TRAPPC2: variants seen among roughly 807,000 people sequenced by gnomAD.
TRAPPC2 encodes sedlin.
Under a neutral mutation model 10.0 loss-of-function variants are expected in TRAPPC2, and 4 were observed. That is an observed-to-expected ratio of 0.40 (90% CI 0.20 to 0.92). The LOEUF (loss-of-function observed/expected upper bound fraction) is 0.92. Ranked by LOEUF, TRAPPC2 falls within the 40% of genes least tolerant of loss-of-function variation. The probability of loss-of-function intolerance (pLI) is 0.35; values close to 1 mark genes in which losing one functional copy is unlikely to be tolerated. For synonymous variants in TRAPPC2, 36 were observed against 37.3 expected, an observed-to-expected ratio of 0.97 and a Z score of 0.12; for missense variants, 52 against 108.7, an observed-to-expected ratio of 0.48 and a Z score of 2.32.
chrX:13,718,450 G>A (rs143637001), intron 3 of TRAPPC2, among the ~76,000 whole-genome samples: 1 of 112,625 alleles, frequency 8.9e-6, no homozygotes, highest in Non-Finnish European at 1.9e-5. Context: ...GGTAGCAGGA[G>A]AAAGAACTAA....
rs775926777 is a variant in TRAPPC2, at chrX:13,731,292, G to T, written c.-20+2752C>A. On this transcript the variant is annotated intron_variant, in intron 2 of 5. Coordinates refer to ENST00000380579, the MANE Select transcript of TRAPPC2 (RefSeq NM_001011658.4). ...GTCTATAACAGGGTACATTCAGAGC[G>T]ACTAGAACACCAACAGAAACGTGTA... Among the ~76,000 whole-genome samples, 10 of 111,899 alleles carry T rather than the reference G, an allele frequency of 8.9e-5. No homozygotes were observed. The East Asian group carries it at 1.7e-3, about 19-fold the overall frequency.
chrX:13,719,194 T>G (rs2046358190), intron 3 of TRAPPC2, among the ~76,000 whole-genome samples: 1 of 110,294 alleles, frequency 9.1e-6, no homozygotes, highest in Non-Finnish European at 1.9e-5. Flanking sequence ...TGGTTTTATT[T>G]TAAGCATTTG....
rs1044739685 is a variant in TRAPPC2, at chrX:13,734,159, T to C, written c.-135A>G. 4.0e-6 allele frequency: 2 copies of C among 503,832 alleles called. No homozygotes were observed. The highest frequency in any genetic ancestry group is 4.7e-5 in the African/African-American group (2 of 42,908). The allele number at this position is 503,832 out of a possible 1,213,427, so 41.5% of individuals were successfully genotyped here. ...TGGCAATATCTGGAGACATCTTTGG[T>C]TGTCACACTTGGGGGAGAAGGTGAT... On this transcript the variant is annotated 5_prime_UTR_variant, in exon 2 of 6. Coordinates refer to ENST00000380579, the MANE Select transcript of TRAPPC2 (RefSeq NM_001011658.4).
In TRAPPC2 at chrX:13,733,180, T is replaced by C. The variant is rs755565729; in HGVS notation, c.-20+864A>G. ...TAAACAGTGGACAAGTGATTCTACT[T>C]AACAACATTTACAACATATCAACAT... is the stretch of plus-strand genomic sequence containing the variant. On this transcript the variant is annotated intron_variant, in intron 2 of 5. Transcript: ENST00000380579. 1.2e-3 allele frequency among the ~76,000 whole-genome samples: 132 copies of C among 110,914 alleles called. 1 individual carries two copies. The highest frequency in any genetic ancestry group is 4.1e-3 in the African/African-American group (126 of 30,450).
At chrX:13,730,080 T>C (rs1360138305) in intron 2 of TRAPPC2, among the ~76,000 whole-genome samples, 1 of 111,365 alleles carries the variant, frequency 9.0e-6, no homozygotes, top group Non-Finnish European at 1.9e-5. Flanking sequence ...TGGGATCTAA[T>C]TAAACTAAAG....
intron 2 of TRAPPC2, among the ~76,000 whole-genome samples, chrX:13,728,178 G>A (rs1359024208): frequency 8.9e-6 from 1 of 112,001 alleles, no homozygotes; most frequent in Non-Finnish European, 1.9e-5. Flanking sequence ...GGTACAAAGA[G>A]GAGCTGGTAC....
intron 2 of TRAPPC2, among the ~76,000 whole-genome samples, chrX:13,733,254 T>C (rs970180002): frequency 9.0e-6 from 1 of 111,580 alleles, no homozygotes; most frequent in Admixed American, 9.5e-5. Context: ...CTTTGATGCA[T>C]CTCAGCTACA....
intron 2 of TRAPPC2, among the ~76,000 whole-genome samples, chrX:13,727,665 C>T (rs1367305830): frequency 8.9e-6 from 1 of 112,154 alleles, no homozygotes; most frequent in African/African-American, 3.2e-5. Context: ...TTAAAATCTA[C>T]ACCCTAACAT....
Position 13,719,976 on chromosome X carries a change from A to G in TRAPPC2, c.-13T>C. ...AGCTCCCAGACATGGTCTTCAATAT[A>G]TGGCTCCTAATTAAGTGAAAAATAG... On this transcript the variant is annotated 5_prime_UTR_variant, in exon 3 of 6. Coordinates refer to ENST00000380579, the MANE Select transcript of TRAPPC2 (RefSeq NM_001011658.4). 1 of 1,119,759 alleles carries G rather than the reference A, an allele frequency of 8.9e-7. No homozygotes were observed. The highest frequency in any genetic ancestry group is 1.2e-6 in the Non-Finnish European group (1 of 840,675). The allele number at this position is 1,119,759 out of a possible 1,213,427, so 92.3% of individuals were successfully genotyped here. A position where few individuals can be genotyped will look rare whatever the true frequency, so the allele number is the denominator to read the frequency against.
intron 2 of TRAPPC2, among the ~76,000 whole-genome samples, chrX:13,733,279 T>TA (rs1199330101): frequency 8.9e-6 from 1 of 111,855 alleles, no homozygotes; most frequent in Non-Finnish European, 1.9e-5. Context: ...CATGTACTAG[T>TA]ATTCAAGATT....
At chrX:13,715,106 G>A (rs186963303) in intron 5 of TRAPPC2, among the ~76,000 whole-genome samples, 2 of 112,622 alleles carry the variant, frequency 1.8e-5, no homozygotes, top group Admixed American at 1.9e-4. Context: ...CTCTGACTAG[G>A]AATACTGTTA....
intron 2 of TRAPPC2, chrX:13,721,762 A>G (rs1470228950): frequency 9.2e-6 from 1 of 108,131 alleles, no homozygotes; most frequent in Non-Finnish European, 1.9e-5. Context: ...GTAAGATTTA[A>G]AATGCTATTT....
At position 13,717,034 on chromosome X, in the gene TRAPPC2, T is replaced by TAAAAAA. The variant is rs1175025577; in HGVS notation, c.94-362_94-357dup. 8.4e-4 allele frequency among the ~76,000 whole-genome samples: 32 copies of TAAAAAA among 37,941 alleles called. 1 individual carries two copies. Among genetic ancestry groups the TAAAAAA allele is most frequent in the East Asian group, 3.1e-3 (3 of 983 alleles). 32.9% of individuals were successfully genotyped at this position (37,941 alleles called of 115,157 possible). On this transcript the variant is annotated intron_variant, in intron 3 of 5. Transcript: ENST00000380579. The stretch of plus-strand genomic sequence containing the variant: ...AACATGTAAAAAAAGGATACTATGT[T>TAAAAAA]AAAAAAAAAAAAAAAAAAAAAAAAA...
chrX:13,728,757 C>T (rs2046609815), intron 2 of TRAPPC2, among the ~76,000 whole-genome samples: 2 of 111,838 alleles, frequency 1.8e-5, no homozygotes, highest in Non-Finnish European at 3.8e-5. Context: ...CCAGGGCAAT[C>T]AGGCAAGAGA....
chrX:13,718,613 T>C (rs2046345147), intron 3 of TRAPPC2, among the ~76,000 whole-genome samples: 1 of 112,277 alleles, frequency 8.9e-6, no homozygotes, highest in Non-Finnish European at 1.9e-5. Context: ...AGTGTTCTCA[T>C]AATATGAGAA....
At chrX:13,717,016 A>T (rs945325716) in intron 3 of TRAPPC2, among the ~76,000 whole-genome samples, 3 of 98,348 alleles carry the variant, frequency 3.1e-5, no homozygotes, top group African/African-American at 1.1e-4. Context: ...CTAAACATGT[A>T]AAAAAAGGAT....
chrX:13,725,998 A>G (rs2046541778), intron 2 of TRAPPC2, among the ~76,000 whole-genome samples: 1 of 112,079 alleles, frequency 8.9e-6, no homozygotes. Context: ...CAAGTAGAAG[A>G]AAGGGTATCA....
intron 4 of TRAPPC2, 129 bp from the exon 5 acceptor site, chrX:13,716,218 G>T: frequency 4.0e-6 from 3 of 759,349 alleles, no homozygotes; most frequent in Non-Finnish European, 5.6e-6. Context: ...TATAAACTGG[G>T]TTTAAAATTA....
intron 3 of TRAPPC2, 91 bp downstream of exon 3, chrX:13,719,780 G>A: frequency 1.5e-6 from 1 of 682,040 alleles, no homozygotes; most frequent in African/African-American, 2.4e-5. Context: ...TTTAATTGTG[G>A]TGGATTTCAG....
Sources: gnomAD v4.1 joint callset for allele counts (sites outside exome capture counted in the v4.1 genomes callset) on GRCh38, gnomAD v4.1.1 for gene constraint, MANE v1.5 for transcripts, NCBI Gene and HGNC (gene_info 2026-07-23, HGNC 2026-07-21) for gene names.